REPS2: variants seen among roughly 807,000 people sequenced by gnomAD.
REPS2 encodes RALBP1 associated Eps domain containing 2.
Under a neutral mutation model 53.6 loss-of-function variants are expected in REPS2, and 23 were observed. The observed-to-expected ratio is 0.43, with a 90% confidence interval of 0.31 to 0.61. The LOEUF is 0.61. Ranked by LOEUF, REPS2 falls within the 20% of genes least tolerant of loss-of-function variation. The pLI, the probability that REPS2 is intolerant of heterozygous loss-of-function variation, is 0.11. For missense variants in REPS2, 446 were observed against 534.9 expected (o/e 0.83, Z 1.64); for synonymous variants, 238 against 218.6 (o/e 1.09, Z -0.78).
intron 10 of REPS2, among the ~76,000 whole-genome samples, chrX:17,069,131 C>T (rs2062267523): frequency 8.9e-6 from 1 of 112,040 alleles, no homozygotes; most frequent in South Asian, 3.7e-4. Flanking sequence ...CTTATTCAGT[C>T]CTCACAAAAC....
chrX:17,138,069 A>T (rs1439976595), intron 16 of REPS2: 2 of 112,315 alleles, frequency 1.8e-5, no homozygotes, highest in African/African-American at 6.5e-5. Flanking sequence ...TTGCTGTGGG[A>T]TGAAAGGTTG....
intron 12 of REPS2, among the ~76,000 whole-genome samples, chrX:17,076,506 G>A (rs1177783603): frequency 2.7e-5 from 3 of 111,685 alleles, no homozygotes; most frequent in East Asian, 2.8e-4. Flanking sequence ...GTATTCCCCC[G>A]CCAACTCATA....
chrX:17,087,874 A>C lies in REPS2; in HGVS notation c.1516+10467A>C, dbSNP rs556769760. Among the ~76,000 whole-genome samples, 35 of 110,339 alleles carry C rather than the reference A, an allele frequency of 3.2e-4. No individual in the cohort carries two copies. In the Admixed American group the frequency reaches 3.3e-3, roughly 10 times the overall value. ...GGGAGGTGGAGGTTTCAGTGAGCCG[A>C]GATCGTGCCACTGCACTGCAGCCTG... On this transcript the variant is annotated intron_variant, in intron 13 of 17. Coordinates refer to ENST00000357277, the MANE Select transcript of REPS2 (RefSeq NM_004726.3).
chrX:17,146,781 T>C lies in REPS2; in HGVS notation c.1915-632T>C, dbSNP rs1482433886. On this transcript the variant is annotated intron_variant, in intron 17 of 17. Transcript: ENST00000357277. ...CTTTCCCACCTTGACTGATTCTACTTGAATACCTTTATGTGTCCCCTCTCT... is the reference window on the plus strand; with the variant it reads ...CTTTCCCACCTTGACTGATTCTACTCGAATACCTTTATGTGTCCCCTCTCT... 1.3e-4 allele frequency among the ~76,000 whole-genome samples: 14 copies of C among 111,967 alleles called. No individual in the cohort carries two copies. The Admixed American group carries it at 1.3e-3, about 11-fold the overall frequency.
At chrX:17,193,500 G>C in the REPS2 span, among the ~76,000 whole-genome samples, 2 of 111,074 alleles carry the variant, frequency 1.8e-5, no homozygotes, top group Non-Finnish European at 3.8e-5. Context: ...GTCCAAAAGT[G>C]GGTAGCATCC....
chrX:17,143,561 C>G (rs2063474891), intron 17 of REPS2, among the ~76,000 whole-genome samples: 2 of 106,794 alleles, frequency 1.9e-5, no homozygotes, highest in African/African-American at 6.8e-5. Context: ...TTCTCATTCT[C>G]CCTTACTGAT....
At chrX:17,143,191 G>A (rs1241338478) in intron 17 of REPS2, among the ~76,000 whole-genome samples, 1 of 111,970 alleles carries the variant, frequency 8.9e-6, no homozygotes, top group Non-Finnish European at 1.9e-5. Context: ...AGTAGTCCCA[G>A]GGAACTTTTG....
At chrX:17,113,091 C>CAAAAAAA (rs10567369) in intron 14 of REPS2, among the ~76,000 whole-genome samples, 8 of 13,560 alleles carry the variant, frequency 5.9e-4, no homozygotes, top group Non-Finnish European at 7.6e-4. Context: ...GACTCTGTCT[C>CAAAAAAA]AAAAAAAAAA....
chrX:17,140,832 G>A (rs532404482), intron 17 of REPS2, among the ~76,000 whole-genome samples: 16 of 107,908 alleles, frequency 1.5e-4, no homozygotes, highest in African/African-American at 5.0e-4. Context: ...GTGCGGTGGC[G>A]TGATCTCTGC....
chrX:17,049,346 A>G (rs1178448564), intron 6 of REPS2, among the ~76,000 whole-genome samples: 1 of 111,928 alleles, frequency 8.9e-6, no homozygotes, highest in East Asian at 2.8e-4. Context: ...CCTGCAGGTT[A>G]TTGTCCTCTT....
intron 13 of REPS2, among the ~76,000 whole-genome samples, chrX:17,083,077 CTTTTTTTTTT>C (rs746229224): frequency 1.2e-5 from 1 of 80,582 alleles, no homozygotes; most frequent in African/African-American, 5.3e-5. Flanking sequence ...GTTCCGAGCA[CTTTTTTTTTT>C]TTTTTTTTTT....
At chrX:17,182,186 CT>C in the REPS2 span, among the ~76,000 whole-genome samples, 4 of 109,506 alleles carry the variant, frequency 3.7e-5, no homozygotes, top group Admixed American at 2.0e-4. Context: ...ATCTATCTAT[CT>C]ATCATCTATC....
At chrX:17,034,519 C>T (rs2061743821) in intron 5 of REPS2, among the ~76,000 whole-genome samples, 1 of 111,624 alleles carries the variant, frequency 9.0e-6, no homozygotes, top group Non-Finnish European at 1.9e-5. Context: ...TGGTCTTGAA[C>T]TCCTGACCTC....
the REPS2 span, among the ~76,000 whole-genome samples, chrX:17,167,166 C>T: frequency 9.0e-6 from 1 of 111,664 alleles, no homozygotes; most frequent in Non-Finnish European, 1.9e-5. Context: ...AGTATGACTT[C>T]AACCATATAA....
the REPS2 span, among the ~76,000 whole-genome samples, chrX:17,165,509 T>C: frequency 2.7e-5 from 3 of 111,628 alleles, no homozygotes; most frequent in African/African-American, 6.5e-5. Flanking sequence ...AGAATTCTGT[T>C]TTAAGGGCTG....
chrX:16,947,602 G>A (rs1210155104), intron 1 of REPS2, among the ~76,000 whole-genome samples: 1 of 112,005 alleles, frequency 8.9e-6, no homozygotes, highest in Non-Finnish European at 1.9e-5. Context: ...AGGGCTGAAT[G>A]TTGTCCTCTC....
At chrX:17,044,501 TA>T in intron 5 of REPS2, 1 of 115,431 alleles carries the variant, frequency 8.7e-6, no homozygotes, top group Non-Finnish European at 1.8e-5. Context: ...GCAGCTGTGA[TA>T]AGGGCCGCCC....
At chrX:17,126,921 T>G (rs1307122114) in intron 14 of REPS2, among the ~76,000 whole-genome samples, 1 of 112,028 alleles carries the variant, frequency 8.9e-6, no homozygotes, top group Non-Finnish European at 1.9e-5. Context: ...TGCTTCCTGG[T>G]ACCCCCTTTC....
intron 4 of REPS2, 37 bp from the exon 5 acceptor site, chrX:17,029,487 CTT>C: frequency 1.0e-6 from 1 of 953,915 alleles, no homozygotes; most frequent in East Asian, 3.1e-5. Flanking sequence ...TGAATGGAAT[CTT>C]TGCATACCAT....
Sources: gnomAD v4.1 joint callset for allele counts (sites outside exome capture counted in the v4.1 genomes callset) on GRCh38, gnomAD v4.1.1 for gene constraint, MANE v1.5 for transcripts, NCBI Gene and HGNC (gene_info 2026-07-23, HGNC 2026-07-21) for gene names.